Variants in TTC39A observed in about 807,000 individuals in gnomAD.
TTC39A encodes tetratricopeptide repeat domain 39A.
In TTC39A, 46 loss-of-function variants were observed where a neutral mutation model predicts 82.3. The ratio of observed to expected loss-of-function variants is 0.56; its 90% CI spans 0.44 to 0.71. The LOEUF is 0.71. Among genes scored for constraint, TTC39A ranks in the 30% least tolerant of loss-of-function variants. The pLI, the probability that TTC39A is intolerant of heterozygous loss-of-function variation, is 0.00. For missense variants in TTC39A, 543 were observed against 712.9 expected (o/e 0.76, Z 2.71); for synonymous variants, 254 against 275.2 (o/e 0.92, Z 0.76).
chr1:51,317,782 A>G (rs566194242), intron 2 of TTC39A, among the ~76,000 whole-genome samples: 1 of 152,168 alleles, frequency 6.6e-6, no homozygotes, highest in Non-Finnish European at 1.5e-5. Context: ...AGAAAAAAGA[A>G]GGAAAGGATC....
intron 1 of TTC39A, among the ~76,000 whole-genome samples, chr1:51,344,650 G>A (rs1390843440): frequency 6.6e-6 from 1 of 152,236 alleles, no homozygotes; most frequent in Non-Finnish European, 1.5e-5. Context: ...AGGATGGAGG[G>A]TTGAGCGCAG....
Position 51,302,339 on chromosome 1 carries a change from C to G in TTC39A, c.891+18G>C. ...CCCCGAGGGATCCCCAGCCCCGGCCCGGACCCCCATCACTCACTGCATCAA... is the reference window on the plus strand; with the variant it reads ...CCCCGAGGGATCCCCAGCCCCGGCCGGGACCCCCATCACTCACTGCATCAA... On this transcript the variant is annotated intron_variant, in intron 11 of 17. Coordinates refer to ENST00000680483, the MANE Select transcript of TTC39A (RefSeq NM_001297663.2). 6.3e-7 allele frequency: 1 copy of G among 1,591,518 alleles called. No homozygotes were observed. The highest frequency in any genetic ancestry group is 1.1e-5 in the South Asian group (1 of 87,246).
chr1:51,331,054 G>A, upstream of TTC39A: 1 of 876,482 alleles, frequency 1.1e-6, no homozygotes, highest in Non-Finnish European at 1.9e-6. Flanking sequence ...ACTGCTAGCT[G>A]GCAGTTCACA....
Position 51,301,626 on chromosome 1 carries a change from C to T in TTC39A, c.999G>A (p.Trp333Ter). The T allele has an allele frequency of 1.2e-6, 2 of 1,613,696 alleles. No homozygotes were observed. Among genetic ancestry groups the T allele is most frequent in the Non-Finnish European group, 1.7e-6 (2 of 1,179,734 alleles). Reference protein sequence around the residue: ...LMWCFTYKGQWKMSYFYADLL... With the variant: ...LMWCFTYKGQ The stretch of plus-strand genomic sequence containing the variant: ...GGTCGGCGTAGAAGTAGGACATCTT[C>T]CACTGGCCCTTGTAGGTGAAGCACC... Residue 333 changes from tryptophan (W) to a stop codon, truncating the protein, a stop_gained, in exon 12 of 18, where the codon TGG (tryptophan) becomes TGA (stop). Coordinates refer to ENST00000680483, the MANE Select transcript of TTC39A (RefSeq NM_001297663.2). LOFTEE classifies it high-confidence loss of function.
upstream of TTC39A, chr1:51,331,306 G>A (rs1046899140): frequency 5.4e-5 from 83 of 1,541,118 alleles, 1 homozygote; most frequent in African/African-American, 1.0e-3. Flanking sequence ...TGTGCACCGA[G>A]CCCTGAGGCG....
rs534271233 is a variant in TTC39A, at chr1:51,301,647, G to A, written c.978C>T (p.Cys326=). The A allele has an allele frequency of 1.8e-5, 29 of 1,613,892 alleles. 2 individuals carry two copies. In the South Asian group the frequency reaches 3.2e-4, roughly 18 times the overall value. ...HHMCYWELMW[C]FTYKGQWKMS... is the part of the protein sequence containing the mutation. ...TCTTCCACTGGCCCTTGTAGGTGAA[G>A]CACCACATCAGCTCCCAGTAGCACA... The change falls in exon 12 of 18, where the codon TGC becomes TGT. Residue 326 remains cysteine (C), a synonymous_variant. Transcript: ENST00000680483.
chr1:51,320,416 C>CTTTTTTTTTTTTTTTTTTTTTT (rs57261779), intron 2 of TTC39A, among the ~76,000 whole-genome samples: 2 of 79,474 alleles, frequency 2.5e-5, no homozygotes, highest in East Asian at 3.3e-4. Flanking sequence ...TTTTCTTTTT[C>CTTTTTTTTTTTTTTTTTTTTTT]TTTTTTTTTT....
Position 51,321,841 on chromosome 1 carries a change from C to T in TTC39A, c.42-16G>A, listed in dbSNP as rs550828627. ...CTCAGGAGTCCTGGGGGAAGAGATG[C>T]GGGGCATGACACAGGGGCCCTCCAA... On this transcript the variant is annotated splice_polypyrimidine_tract_variant and intron_variant, in intron 1 of 17. Coordinates refer to ENST00000680483, the MANE Select transcript of TTC39A (RefSeq NM_001297663.2). This position sits in a 1 kb window ranked among gnomAD's most constrained non-coding sequence, Gnocchi z 4.6. The T allele has an allele frequency of 6.9e-6, 11 of 1,605,690 alleles. No individual in the cohort carries two copies. Among genetic ancestry groups the T allele is most frequent in the African/African-American group, 2.7e-5 (2 of 74,816 alleles).
chr1:51,304,969 G>T (rs531035914), intron 8 of TTC39A, 112 bp downstream of exon 8: 2 of 1,139,230 alleles, frequency 1.8e-6, no homozygotes, highest in African/African-American at 1.5e-5. Flanking sequence ...CAATGAGAGG[G>T]GCTGAGCCAG....
chr1:51,306,454 C>G (rs1644871816), intron 6 of TTC39A, among the ~76,000 whole-genome samples: 5 of 152,174 alleles, frequency 3.3e-5, no homozygotes, highest in Admixed American at 2.0e-4. Flanking sequence ...TTAGCAGCAT[C>G]CATGGCCCCT....
At chr1:51,312,694 C>T in intron 3 of TTC39A, 118 bp downstream of exon 3, 2 of 1,449,016 alleles carry the variant, frequency 1.4e-6, no homozygotes, top group Non-Finnish European at 1.9e-6. Flanking sequence ...CACATGCAGA[C>T]ACAACCTCTT....
chr1:51,317,622 C>T (rs1645337619), intron 2 of TTC39A, among the ~76,000 whole-genome samples: 2 of 152,138 alleles, frequency 1.3e-5, no homozygotes, highest in South Asian at 4.1e-4. Flanking sequence ...TGGTGGCGCG[C>T]ACCTGCAATC....
At chr1:51,345,044 G>C (rs1236104121) in exon 1 of TTC39A, 1 of 1,481,850 alleles carries the variant, frequency 6.7e-7, no homozygotes, top group East Asian at 3.0e-5. Context: ...GAAAGGCCAT[G>C]GGCGCGGGCC....
At chr1:51,296,975 T>C (rs537207859) in intron 12 of TTC39A, 1 of 152,534 alleles carries the variant, frequency 6.6e-6, no homozygotes, top group African/African-American at 2.4e-5. Context: ...AGCCTGGCTC[T>C]GTGCTGCCCT....
At chr1:51,313,021 CCCT>C in intron 2 of TTC39A, 78 bp from the exon 3 acceptor site, 1 of 1,554,916 alleles carries the variant, frequency 6.4e-7, no homozygotes, top group South Asian at 1.2e-5. Flanking sequence ...CTCATCTCCA[CCCT>C]CCTCCATTCT....
chr1:51,303,282 A>T, intron 8 of TTC39A, 90 bp from the exon 9 acceptor site: 3 of 1,152,340 alleles, frequency 2.6e-6, no homozygotes. Flanking sequence ...CTGCCGGCAC[A>T]GGGGCGGAAG....
In TTC39A at chr1:51,301,730, T is replaced by C. The variant is rs1187056115; in HGVS notation, c.895A>G (p.Ile299Val). 6.2e-7 allele frequency: 1 copy of C among 1,603,434 alleles called. No homozygotes were observed. The highest frequency in any genetic ancestry group is 8.5e-7 in the Non-Finnish European group (1 of 1,172,596). ...TCACAGCACTCCTCGAAACGCCGGATGGCCTGCAGGCACCTTCTGGTCAGC... is the reference window on the plus strand; with the variant it reads ...TCACAGCACTCCTCGAAACGCCGGACGGCCTGCAGGCACCTTCTGGTCAGC... ...EVIKGNIDAA[I>V]RRFEECCEAQ... Residue 299 changes from isoleucine (I) to valine (V), a missense_variant, in exon 12 of 18, where the codon ATC becomes GTC. By Grantham distance (29) the Ile-to-Val change is conservative. Transcript: ENST00000680483.
In TTC39A at chr1:51,294,104, C is replaced by T. The variant is rs978229705; in HGVS notation, c.1266+287G>A. On this transcript the variant is annotated intron_variant, in intron 14 of 17. Transcript: ENST00000680483. This position sits in a 1 kb window ranked among gnomAD's most constrained non-coding sequence, Gnocchi z 4.3. ...GCAGACAGGCTGGGATCACTGGCAG[C>T]CGGGTGATGCCGCTGCCTGGGCACA... is the stretch of plus-strand genomic sequence containing the variant. Among the ~76,000 whole-genome samples the T allele has an allele frequency of 6.6e-6, 1 of 152,198 alleles. No homozygotes were observed. The highest frequency in any genetic ancestry group is 1.5e-5 in the Non-Finnish European group (1 of 68,030).
At chr1:51,329,791 G>C (rs908870724) in intron 1 of TTC39A, 1 of 152,406 alleles carries the variant, frequency 6.6e-6, no homozygotes, top group Non-Finnish European at 1.5e-5. Flanking sequence ...GGCTGTCACT[G>C]CTACGGGGGG....
Sources: gnomAD v4.1 joint callset for allele counts (sites outside exome capture counted in the v4.1 genomes callset) on GRCh38, gnomAD v4.1.1 for gene constraint, Gnocchi (gnomAD v3.1) non-coding constraint, MANE v1.5 for transcripts, NCBI Gene and HGNC (gene_info 2026-07-23, HGNC 2026-07-21) for gene names.